Variants in MALRD1 observed in about 807,000 individuals in gnomAD.
MALRD1 encodes MAM and LDL receptor class A domain containing 1.
A neutral mutation model predicts 242.1 loss-of-function variants in MALRD1; 247 were observed. The observed-to-expected ratio is 1.02, with a 90% CI of 0.92 to 1.13. The LOEUF (loss-of-function observed/expected upper bound fraction) is 1.13. MALRD1 is among the 50% of genes most tolerant of loss of function. The probability of loss-of-function intolerance (pLI) is 0.00; values close to 1 mark genes in which losing one functional copy is unlikely to be tolerated. For missense variants in MALRD1, 2,989 were observed against 2,533.1 expected (o/e 1.18, Z -3.86); for synonymous variants, 995 against 866.6 (o/e 1.15, Z -2.60).
At chr10:19,523,833 G>A (rs1462835709) in intron 31 of MALRD1, among the ~76,000 whole-genome samples, 7 of 151,836 alleles carry the variant, frequency 4.6e-5, no homozygotes, top group Admixed American at 2.0e-4. Context: ...TGCGGGGGGC[G>A]CATGGGGGGA....
intron 36 of MALRD1, among the ~76,000 whole-genome samples, chr10:19,685,647 C>G (rs1221470067): frequency 6.6e-6 from 1 of 152,168 alleles, no homozygotes; most frequent in Non-Finnish European, 1.5e-5. Flanking sequence ...TGCTGTTTCT[C>G]AATGACTTTG....
chr10:19,424,124 A>G (rs1833816923), intron 28 of MALRD1, among the ~76,000 whole-genome samples: 1 of 152,062 alleles, frequency 6.6e-6, no homozygotes, highest in Admixed American at 6.6e-5. Context: ...TGTTTCTGCA[A>G]TTATGCCACT....
intron 1 of MALRD1, among the ~76,000 whole-genome samples, chr10:19,065,368 G>A (rs1834946087): frequency 6.6e-6 from 1 of 151,450 alleles, no homozygotes; most frequent in African/African-American, 2.4e-5. Flanking sequence ...TCTAGAAAGG[G>A]AGTGGTAACT....
Position 19,492,800 on chromosome 10 carries a change from A to G in MALRD1, c.5158+1155A>G, listed in dbSNP as rs577959945. On this transcript the variant is annotated intron_variant, in intron 30 of 39. Transcript: ENST00000454679. The stretch of plus-strand genomic sequence containing the variant: ...AAACAAAGTCTAGACTAGACTTTCA[A>G]TGGGAAAATACATCAAATGTAGAGA... 3.3e-5 allele frequency among the ~76,000 whole-genome samples: 5 copies of G among 152,266 alleles called. 1 individual carries two copies. The highest frequency in any genetic ancestry group is 4.1e-4 in the South Asian group (2 of 4,826).
In MALRD1 at chr10:19,358,997, G is replaced by A. The variant is rs973849589; in HGVS notation, c.4441+6700G>A. On this transcript the variant is annotated intron_variant, in intron 26 of 39. Transcript: ENST00000454679. ...TAACTGATTATACATAATAAGAAAT[G>A]GAGAAGAAAGAACAGTCACAATAAA... is the stretch of plus-strand genomic sequence containing the variant. Among the ~76,000 whole-genome samples the A allele has an allele frequency of 2.4e-4, 37 of 152,236 alleles. 1 individual carries two copies. The highest frequency in any genetic ancestry group is 2.3e-3 in the Admixed American group (35 of 15,266).
chr10:19,155,664 A>G (rs765149706), intron 12 of MALRD1, among the ~76,000 whole-genome samples: 2 of 152,204 alleles, frequency 1.3e-5, no homozygotes, highest in African/African-American at 2.4e-5. Context: ...ACTTGGTTCA[A>G]GTCTCTTTTG....
chr10:19,345,780 T>C (rs945111458), intron 24 of MALRD1, among the ~76,000 whole-genome samples: 1 of 152,030 alleles, frequency 6.6e-6, no homozygotes, highest in African/African-American at 2.4e-5. Context: ...TTTTAGTTCT[T>C]TCAACAGCTA....
chr10:19,657,495 A>G (rs2131723950), intron 36 of MALRD1, among the ~76,000 whole-genome samples: 1 of 152,314 alleles, frequency 6.6e-6, no homozygotes, highest in East Asian at 1.9e-4. Context: ...ACATACTGAG[A>G]AATGACTACA....
chr10:19,296,502 T>C (rs1343681509), intron 21 of MALRD1, among the ~76,000 whole-genome samples: 1 of 152,088 alleles, frequency 6.6e-6, no homozygotes, highest in Non-Finnish European at 1.5e-5. Flanking sequence ...AATGATAAAT[T>C]ATTCTTAAAT....
chr10:19,123,703 G>T, intron 6 of MALRD1, 110 bp downstream of exon 6: 1 of 515,680 alleles, frequency 1.9e-6, no homozygotes, highest in Non-Finnish European at 3.0e-6. Flanking sequence ...TAATGTCCTA[G>T]TTTTAGCTGG....
intron 29 of MALRD1, chr10:19,489,101 C>T (rs1368350464): frequency 1.9e-5 from 9 of 463,076 alleles, no homozygotes; most frequent in Admixed American, 1.6e-4. Flanking sequence ...GCCAGAATGC[C>T]CAAGAGGAAG....
At chr10:19,435,846 T>C (rs117941252) in intron 28 of MALRD1, among the ~76,000 whole-genome samples, 1,553 of 152,266 alleles carry the variant, frequency 0.01, 50 homozygotes, top group Admixed American at 0.064. Context: ...GGGTGGAGTA[T>C]CTATGTAAAT....
chr10:19,178,191 C>A (rs1835341310), intron 14 of MALRD1, among the ~76,000 whole-genome samples: 1 of 152,022 alleles, frequency 6.6e-6, no homozygotes, highest in African/African-American at 2.4e-5. Context: ...CATCTGAACA[C>A]CAAATCAGTT....
chr10:19,347,940 G>T lies in MALRD1; in HGVS notation c.4071G>T (p.Lys1357Asn), dbSNP rs1609746. Reference protein sequence around the residue: ...GNSSGHYIFIKSLFPQQPMRA... With the variant: ...GNSSGHYIFINSLFPQQPMRA... ...CATCTGGTCATTACATCTTTATAAA[G>T]AGTTTGTTTCCTCAGCAGCCCATGA... The change falls in exon 25 of 40, where the codon AAG (lysine) becomes AAT (asparagine). Residue 1357 changes from lysine (K) to asparagine (N), a missense_variant. Coordinates refer to ENST00000454679, the MANE Select transcript of MALRD1 (RefSeq NM_001142308.3). 0.57 allele frequency: 878,666 copies of T among 1,549,902 alleles called. 251,091 individuals carry two copies. The highest frequency in any genetic ancestry group is 0.59 in the Middle Eastern group (3,505 of 5,988).
intron 5 of MALRD1, among the ~76,000 whole-genome samples, chr10:19,121,328 C>T (rs992213025): frequency 6.6e-6 from 1 of 152,148 alleles, no homozygotes; most frequent in African/African-American, 2.4e-5. Context: ...TTGTGAGCCA[C>T]TGTGCCCAGC....
intron 31 of MALRD1, among the ~76,000 whole-genome samples, chr10:19,509,942 A>AGGACCTG (rs3045378): frequency 6.6e-6 from 1 of 152,034 alleles, no homozygotes; most frequent in African/African-American, 2.4e-5. Flanking sequence ...CTCAGCATAC[A>AGGACCTG]GAGGATCCGC....
chr10:19,677,859 G>A (rs2131782291), intron 36 of MALRD1, among the ~76,000 whole-genome samples: 1 of 152,098 alleles, frequency 6.6e-6, no homozygotes, highest in East Asian at 1.9e-4. Flanking sequence ...GTGTATAAAA[G>A]GGGTCCAGTT....
At chr10:19,236,604 A>C (rs1838327199) in intron 18 of MALRD1, among the ~76,000 whole-genome samples, 1 of 152,092 alleles carries the variant, frequency 6.6e-6, no homozygotes, top group Non-Finnish European at 1.5e-5. Flanking sequence ...TAAAATGCCA[A>C]CTTTCTATAT....
intron 18 of MALRD1, among the ~76,000 whole-genome samples, chr10:19,236,618 G>A (rs1838327830): frequency 6.6e-6 from 1 of 151,912 alleles, no homozygotes; most frequent in Non-Finnish European, 1.5e-5. Flanking sequence ...TCTATATTTT[G>A]CTTCACATCA....
Sources: allele counts gnomAD v4.1 joint callset (sites outside exome capture counted in the v4.1 genomes callset), GRCh38; gene constraint gnomAD v4.1.1; transcripts MANE v1.5; gene names NCBI Gene and HGNC (gene_info 2026-07-23, HGNC 2026-07-21).